Variants in KIAA0825 observed in about 807,000 individuals in gnomAD.
The protein encoded by KIAA0825 is uncharacterized protein KIAA0825.
A neutral mutation model predicts 147.6 loss-of-function variants in KIAA0825; 119 were observed. The observed-to-expected ratio is 0.81, with a 90% CI of 0.69 to 0.94. KIAA0825 has a LOEUF of 0.94. Ranked by LOEUF, KIAA0825 falls within the 40% of genes least tolerant of loss-of-function variation. The pLI is 0.00. For synonymous variants in KIAA0825, 470 were observed against 518.1 expected (o/e 0.91, Z 1.26); for missense variants, 1,381 against 1,472.7 (o/e 0.94, Z 1.02).
chr5:94,558,397 T>C (rs1280159146), intron 2 of KIAA0825, among the ~76,000 whole-genome samples: 1 of 152,178 alleles, frequency 6.6e-6, no homozygotes, highest in Non-Finnish European at 1.5e-5. Context: ...CCCAAAAGCA[T>C]GTGTATGAAT....
chr5:94,453,549 G>A (rs1222325094), intron 12 of KIAA0825, among the ~76,000 whole-genome samples: 3 of 151,932 alleles, frequency 2.0e-5, no homozygotes, highest in Non-Finnish European at 2.9e-5. Context: ...TACTTCATCC[G>A]CTTGGGATTT....
At chr5:94,267,418 T>G (rs1034201284) in intron 20 of KIAA0825, among the ~76,000 whole-genome samples, 1 of 151,904 alleles carries the variant, frequency 6.6e-6, no homozygotes, top group African/African-American at 2.4e-5. Context: ...CAGGTTGCTT[T>G]CCTTCCATCA....
chr5:94,605,635 C>T, intron 1 of KIAA0825, among the ~76,000 whole-genome samples: 1 of 152,150 alleles, frequency 6.6e-6, no homozygotes, highest in East Asian at 1.9e-4. Context: ...AAATGTGATT[C>T]ACCAAATAAA....
intron 10 of KIAA0825, among the ~76,000 whole-genome samples, chr5:94,469,438 C>G (rs1760947620): frequency 6.6e-6 from 1 of 152,178 alleles, no homozygotes; most frequent in Non-Finnish European, 1.5e-5. Context: ...TTCCAAAGTG[C>G]TGGGATTACA....
chr5:94,485,011 A>G, intron 5 of KIAA0825, 81 bp from the exon 6 acceptor site: 2 of 998,472 alleles, frequency 2.0e-6, no homozygotes, highest in East Asian at 3.1e-5. Context: ...GTGATTCCAT[A>G]AACCATATAA....
chr5:94,358,384 G>T (rs1658589748), intron 20 of KIAA0825, among the ~76,000 whole-genome samples: 1 of 152,242 alleles, frequency 6.6e-6, no homozygotes, highest in Non-Finnish European at 1.5e-5. Flanking sequence ...ATAGGGCAAA[G>T]TGGTGGGAAG....
intron 1 of KIAA0825, among the ~76,000 whole-genome samples, chr5:94,602,210 G>T (rs1045933799): frequency 4.6e-5 from 7 of 152,104 alleles, no homozygotes; most frequent in Non-Finnish European, 1.0e-4. Context: ...AATTAGCCAG[G>T]TGTGGTAGCG....
intron 2 of KIAA0825, among the ~76,000 whole-genome samples, chr5:94,554,271 G>A (rs184638575): frequency 1.3e-5 from 2 of 152,184 alleles, no homozygotes; most frequent in East Asian, 3.9e-4. Flanking sequence ...GCCATCACAC[G>A]GAAAAGGGGT....
At chr5:94,598,661 TA>T (rs901328481) in intron 1 of KIAA0825, among the ~76,000 whole-genome samples, 1 of 152,160 alleles carries the variant, frequency 6.6e-6, no homozygotes, top group Non-Finnish European at 1.5e-5. Flanking sequence ...TATATTTTTA[TA>T]AAACTGGTAG....
At chr5:94,174,389 A>T (rs890001380) in intron 20 of KIAA0825, among the ~76,000 whole-genome samples, 3 of 152,128 alleles carry the variant, frequency 2.0e-5, no homozygotes, top group African/African-American at 7.2e-5. Flanking sequence ...ATATATATTT[A>T]AAATGCTTAC....
intron 16 of KIAA0825, among the ~76,000 whole-genome samples, chr5:94,398,305 T>C (rs1750937767): frequency 6.6e-6 from 1 of 152,204 alleles, no homozygotes; most frequent in African/African-American, 2.4e-5. Flanking sequence ...TAATTTTAGC[T>C]ACTTGCCACT....
intron 20 of KIAA0825, among the ~76,000 whole-genome samples, chr5:94,232,297 G>A (rs1423783660): frequency 6.6e-6 from 1 of 152,060 alleles, no homozygotes; most frequent in African/African-American, 2.4e-5. Flanking sequence ...TATATTTTCT[G>A]AAGTGTTATT....
intron 14 of KIAA0825, among the ~76,000 whole-genome samples, chr5:94,435,831 G>GT (rs1355436377): frequency 6.6e-6 from 1 of 152,060 alleles, no homozygotes; most frequent in African/African-American, 2.4e-5. Context: ...GTGTGAGATA[G>GT]TATCTCATTG....
At chr5:94,470,444 G>T (rs771391945) in intron 9 of KIAA0825, among the ~76,000 whole-genome samples, 8 of 152,098 alleles carry the variant, frequency 5.3e-5, no homozygotes, top group Non-Finnish European at 1.2e-4. Context: ...TAGGCATTAG[G>T]TTATTGTTTT....
intron 20 of KIAA0825, among the ~76,000 whole-genome samples, chr5:94,242,038 A>T (rs558360240): frequency 6.6e-6 from 1 of 152,164 alleles, no homozygotes; most frequent in African/African-American, 2.4e-5. Flanking sequence ...AAAATTTTGC[A>T]TGGCCTAAAA....
chr5:94,504,730 G>A (rs908067190), intron 5 of KIAA0825, among the ~76,000 whole-genome samples: 11 of 148,042 alleles, frequency 7.4e-5, no homozygotes, highest in African/African-American at 2.8e-4. Flanking sequence ...AATTACGCCC[G>A]TGTGATTTTT....
chr5:94,594,434 T>C (rs1784897139), intron 1 of KIAA0825: 2 of 732,392 alleles, frequency 2.7e-6, no homozygotes, highest in Admixed American at 1.8e-5. Context: ...CTTATTACCA[T>C]ACAGTAGATT....
At chr5:94,265,530 G>A (rs538737704) in intron 20 of KIAA0825, among the ~76,000 whole-genome samples, 1 of 152,236 alleles carries the variant, frequency 6.6e-6, no homozygotes, top group Non-Finnish European at 1.5e-5. Context: ...CAGGTGCGGT[G>A]GCTTACACCT....
chr5:94,480,061 C>G (rs1762326971), intron 6 of KIAA0825, among the ~76,000 whole-genome samples: 1 of 151,856 alleles, frequency 6.6e-6, no homozygotes, highest in African/African-American at 2.4e-5. Flanking sequence ...TCTGATCATG[C>G]CTGTTTATTT....
Sources: gnomAD v4.1 joint callset for allele counts (sites outside exome capture counted in the v4.1 genomes callset) on GRCh38, gnomAD v4.1.1 for gene constraint, MANE v1.5 for transcripts, NCBI Gene and HGNC (gene_info 2026-07-23, HGNC 2026-07-21) for gene names.